FER1L6: variants seen among roughly 807,000 people sequenced by gnomAD.
FER1L6 encodes the protein fer-1-like protein 6.
In FER1L6, 177 loss-of-function variants were observed where a neutral mutation model predicts 219.2. That is an observed-to-expected ratio of 0.81 (90% CI 0.71 to 0.91). The LOEUF (loss-of-function observed/expected upper bound fraction) is 0.91. Ranked by LOEUF, FER1L6 falls within the 40% of genes least tolerant of loss-of-function variation. The pLI is 0.00. For synonymous variants in FER1L6, 768 were observed against 824.3 expected (o/e 0.93, Z 1.17); for missense variants, 2,153 against 2,259.9 (o/e 0.95, Z 0.96).
At chr8:124,114,199 G>A (rs1823136896) in intron 39 of FER1L6, among the ~76,000 whole-genome samples, 1 of 151,856 alleles carries the variant, frequency 6.6e-6, no homozygotes, top group Non-Finnish European at 1.5e-5. Context: ...TCATCAGTTG[G>A]AAATAAATCA....
chr8:123,885,756 G>A (rs1227878664), intron 1 of FER1L6, among the ~76,000 whole-genome samples: 4 of 152,098 alleles, frequency 2.6e-5, no homozygotes, highest in Admixed American at 6.6e-5. Flanking sequence ...GGCCAGGGGC[G>A]GGAGACCTGG....
chr8:124,048,741 C>CT (rs1819850160), intron 21 of FER1L6, among the ~76,000 whole-genome samples: 1 of 152,088 alleles, frequency 6.6e-6, no homozygotes, highest in Non-Finnish European at 1.5e-5. Context: ...CTTTTAAATC[C>CT]TTTTTAGGTG....
At chr8:124,004,775 G>A (rs1817584427) in intron 13 of FER1L6, among the ~76,000 whole-genome samples, 1 of 152,070 alleles carries the variant, frequency 6.6e-6, no homozygotes, top group Non-Finnish European at 1.5e-5. Context: ...GAGGCGGGTG[G>A]ATCGCGAGGT....
intron 32 of FER1L6, among the ~76,000 whole-genome samples, chr8:124,077,281 C>T (rs1179952223): frequency 2.0e-5 from 3 of 152,232 alleles, no homozygotes; most frequent in African/African-American, 7.2e-5. Context: ...ACTCAGAACA[C>T]ATTAGCTCCC....
At chr8:123,934,763 G>C (rs6998571) in intron 1 of FER1L6, among the ~76,000 whole-genome samples, 10 of 152,032 alleles carry the variant, frequency 6.6e-5, no homozygotes, top group South Asian at 2.1e-4. Flanking sequence ...CCACGTGTTG[G>C]GGGGGAGGGG....
intron 33 of FER1L6, among the ~76,000 whole-genome samples, chr8:124,091,029 T>TG (rs1023606723): frequency 6.6e-6 from 1 of 152,180 alleles, no homozygotes; most frequent in African/African-American, 2.4e-5. Flanking sequence ...GAGGAGTAAC[T>TG]GCTTTCTGGG....
intron 1 of FER1L6, among the ~76,000 whole-genome samples, chr8:123,948,633 A>G (rs141460264): frequency 6.6e-6 from 1 of 152,294 alleles, no homozygotes; most frequent in East Asian, 1.9e-4. Context: ...GTTTTTGTAT[A>G]AAGAGGTACA....
intron 2 of FER1L6, among the ~76,000 whole-genome samples, chr8:123,960,109 G>T (rs1306022286): frequency 2.0e-5 from 3 of 152,166 alleles, no homozygotes; most frequent in African/African-American, 7.2e-5. Flanking sequence ...GGGGGTAAAT[G>T]ATGTTAACCT....
chr8:123,914,605 T>TAAAGGCAG (rs2129783982), intron 1 of FER1L6, among the ~76,000 whole-genome samples: 1 of 152,296 alleles, frequency 6.6e-6, no homozygotes, highest in South Asian at 2.1e-4. Context: ...AGGATCTGGA[T>TAAAGGCAG]AAAGGCAGAC....
chr8:124,008,007 A>C (rs932598479), intron 13 of FER1L6, among the ~76,000 whole-genome samples: 3 of 152,168 alleles, frequency 2.0e-5, no homozygotes, highest in African/African-American at 7.2e-5. Context: ...TAAATTCTTT[A>C]GTAGTGACTT....
At position 124,060,580 on chromosome 8, in the gene FER1L6, G is replaced by A; in HGVS notation, c.3018G>A (p.Lys1006=). ...VLFWGVREMK[K]VQLLSVDRPQ... ...TCTGGGGAGTTCGGGAAATGAAGAA[G>A]GTGCAGCTCCTCTCTGTGGATCGGC... The change falls in exon 24 of 41, where the codon AAG becomes AAA. Residue 1006 remains lysine, a synonymous_variant. Transcript: ENST00000522917. 1 of 1,614,044 alleles carries A rather than the reference G, an allele frequency of 6.2e-7. No homozygotes were observed. The highest frequency in any genetic ancestry group is 8.5e-7 in the Non-Finnish European group (1 of 1,179,980).
intron 1 of FER1L6, among the ~76,000 whole-genome samples, chr8:123,895,565 T>C (rs1812729304): frequency 6.6e-6 from 1 of 152,130 alleles, no homozygotes; most frequent in African/African-American, 2.4e-5. Context: ...AGTTGGGTTG[T>C]CTGGGTTCTG....
At chr8:123,900,134 A>AT (rs1812830922) in intron 1 of FER1L6, among the ~76,000 whole-genome samples, 1 of 152,044 alleles carries the variant, frequency 6.6e-6, no homozygotes, top group African/African-American at 2.4e-5. Context: ...TGAGCATGAG[A>AT]TGTGTTTCCA....
intron 16 of FER1L6, among the ~76,000 whole-genome samples, chr8:124,018,883 C>A (rs903507823): frequency 1.3e-5 from 2 of 152,158 alleles, no homozygotes; most frequent in African/African-American, 4.8e-5. Context: ...CCTTAAGTAG[C>A]CATTTGAATA....
chr8:124,068,510 A>T (rs1159190880), intron 28 of FER1L6, among the ~76,000 whole-genome samples: 1 of 152,216 alleles, frequency 6.6e-6, no homozygotes, highest in East Asian at 1.9e-4. Flanking sequence ...TCCCCTGCAG[A>T]GCCTACTGCT....
In FER1L6 at chr8:124,071,629, G is replaced by A. The variant is rs202097932; in HGVS notation, c.4090G>A (p.Ala1364Thr). 7.2e-5 allele frequency: 116 copies of A among 1,611,988 alleles called. No individual in the cohort carries two copies. The African/African-American group carries it at 7.9e-4, about 11-fold the overall frequency. ...AGTGCTGATCAGAGTATACATTGTC[G>A]CGGTGAGCCATTCTTGTTTGCTCTG... is the stretch of plus-strand genomic sequence containing the variant. ...VTVLIRVYIV[A>T]AFNLSPADPD... is the part of the protein sequence containing the mutation. Residue 1364 changes from alanine to threonine, a missense_variant and splice_region_variant, in exon 31 of 41, where the codon GCG (alanine) becomes ACG (threonine). By Grantham distance (58) the Ala-to-Thr change is moderately conservative. Coordinates refer to ENST00000522917, the MANE Select transcript of FER1L6 (RefSeq NM_001039112.2).
At chr8:124,085,730 CA>C (rs1488226305) in intron 33 of FER1L6, among the ~76,000 whole-genome samples, 1 of 151,822 alleles carries the variant, frequency 6.6e-6, no homozygotes, top group Non-Finnish European at 1.5e-5. Context: ...AAACATCTAT[CA>C]GGTCCATTTG....
chr8:123,967,723 C>T (rs537266507), intron 5 of FER1L6, among the ~76,000 whole-genome samples: 11 of 152,162 alleles, frequency 7.2e-5, no homozygotes, highest in East Asian at 1.9e-4. Flanking sequence ...TTTGGGAGGC[C>T]GAGGTGGGCA....
At chr8:123,933,202 G>A (rs937508523) in intron 1 of FER1L6, among the ~76,000 whole-genome samples, 1 of 152,168 alleles carries the variant, frequency 6.6e-6, no homozygotes, top group Non-Finnish European at 1.5e-5. Flanking sequence ...TGTCCCCAAA[G>A]TCATTAATGG....
Sources: gnomAD v4.1 joint callset for allele counts (sites outside exome capture counted in the v4.1 genomes callset) on GRCh38, gnomAD v4.1.1 for gene constraint, MANE v1.5 for transcripts, NCBI Gene and HGNC (gene_info 2026-07-23, HGNC 2026-07-21) for gene names.